The following SLC22A8 variants were observed in gnomAD, a reference collection of about 807,000 sequenced individuals.
The protein encoded by SLC22A8 is solute carrier family 22 member 8, also known as organic anion transporter 3.
Under a neutral mutation model 48.4 loss-of-function variants are expected in SLC22A8, and 40 were observed. The ratio of observed to expected loss-of-function variants is 0.83; its 90% CI spans 0.64 to 1.08. The LOEUF is 1.08. Ranked by LOEUF, SLC22A8 falls within the 50% of genes least tolerant of loss-of-function variation. The pLI is 0.00. For missense variants in SLC22A8, 606 were observed against 699.0 expected (o/e 0.87, Z 1.50); for synonymous variants, 268 against 286.3 (o/e 0.94, Z 0.65).
intron 7 of SLC22A8, 166 bp downstream of exon 7, chr11:62,995,538 G>A: frequency 3.3e-6 from 2 of 609,048 alleles, no homozygotes; most frequent in Non-Finnish European, 5.9e-6. Flanking sequence ...TGTGGGGCAG[G>A]AATGCAGCAG....
intron 8 of SLC22A8, chr11:62,994,244 A>G (rs910319696): frequency 1.3e-5 from 7 of 527,368 alleles, no homozygotes; most frequent in East Asian, 1.3e-4. Context: ...CTGTCGTTTT[A>G]CCATCTCAGC....
In SLC22A8 at chr11:63,006,756, C is replaced by T. The variant is rs151084473; in HGVS notation, c.334-5933G>A. On this transcript the variant is annotated intron_variant, in intron 2 of 10. Transcript: ENST00000336232. Reference sequence around the variant, plus strand: ...CTGAGTAGCTGGGATTATAGGCATGCGCCACCATGCCTGGCTAATTTTTTT... The same window carrying T: ...CTGAGTAGCTGGGATTATAGGCATGTGCCACCATGCCTGGCTAATTTTTTT... Among the ~76,000 whole-genome samples, 1,380 of 150,336 alleles carry T rather than the reference C, an allele frequency of 9.2e-3. 40 individuals carry two copies. The East Asian group carries it at 0.098, about 11-fold the overall frequency.
chr11:63,008,530 C>T (rs1161812531), intron 2 of SLC22A8, among the ~76,000 whole-genome samples: 1 of 152,138 alleles, frequency 6.6e-6, no homozygotes, highest in Non-Finnish European at 1.5e-5. Context: ...AATTACTTAA[C>T]CTCCGTGTGG....
At chr11:63,014,319 C>T (rs1565303552) in intron 2 of SLC22A8, among the ~76,000 whole-genome samples, 1 of 152,184 alleles carries the variant, frequency 6.6e-6, no homozygotes, top group East Asian at 1.9e-4. Flanking sequence ...GGTGCTATCT[C>T]CACCGGGCTG....
intron 2 of SLC22A8, among the ~76,000 whole-genome samples, chr11:63,006,002 C>A (rs958606263): frequency 8.5e-5 from 13 of 152,108 alleles, no homozygotes; most frequent in Non-Finnish European, 1.5e-5. Flanking sequence ...AATGAGGGAA[C>A]CAGATGTGGA....
chr11:62,999,780 G>A lies in SLC22A8; in HGVS notation c.500C>T (p.Ala167Val). ...GATGGGGAAGGTGGGGCTGAAGGCT[G>A]CACCGGAGCCGCTGGCTGCCAGCAG... ...YLLLAASGSG[A>V]AFSPTFPIYM... The change falls in exon 4 of 11, where the codon GCA becomes GTA. Residue 167 changes from alanine (A) to valine (V), a missense_variant. By Grantham distance (64) the Ala-to-Val change is moderately conservative. Coordinates refer to ENST00000336232, the MANE Select transcript of SLC22A8 (RefSeq NM_004254.4). 1 of 1,606,042 alleles carries A rather than the reference G, an allele frequency of 6.2e-7. No homozygotes were observed. Among genetic ancestry groups the A allele is most frequent in the South Asian group, 1.1e-5 (1 of 89,810 alleles).
In SLC22A8 at chr11:62,993,534, G is replaced by A; in HGVS notation, c.1419C>T (p.Ile473=). The A allele has an allele frequency of 1.2e-6, 2 of 1,614,210 alleles. No homozygotes were observed. The highest frequency in any genetic ancestry group is 2.2e-5 in the South Asian group (2 of 91,092). The stretch of plus-strand genomic sequence containing the variant: ...CGGTGATCCCGTAGATGATATTGGG[G>A]ATGAAGGGCTGTACCTCACCCGTGA... ...VKITGEVQPF[I]PNIIYGITAL... is the part of the protein sequence containing the mutation. The change falls in exon 10 of 11, where the codon ATC becomes ATT. Residue 473 remains isoleucine (I), a synonymous_variant. Coordinates refer to ENST00000336232, the MANE Select transcript of SLC22A8 (RefSeq NM_004254.4).
chr11:62,998,735 C>T (rs576039377), intron 5 of SLC22A8, among the ~76,000 whole-genome samples, 186 bp downstream of exon 5: 1 of 152,326 alleles, frequency 6.6e-6, no homozygotes, highest in South Asian at 2.1e-4. Context: ...TCCCCACGTG[C>T]CCCCATCCCT....
Position 63,000,968 on chromosome 11 carries a change from C to G in SLC22A8, c.334-145G>C, listed in dbSNP as rs2086487269. The G allele has an allele frequency of 6.3e-6, 4 of 639,012 alleles. No homozygotes were observed. In the East Asian group the frequency reaches 1.1e-4, roughly 18 times the overall value. The allele number at this position is 639,012 out of a possible 1,614,324, so 39.6% of individuals were successfully genotyped here. A position where few individuals can be genotyped will look rare whatever the true frequency, so the allele number is the denominator to read the frequency against. ...TCCCAAGGACCGTTTCCTTTTTCAG[C>G]CCGGCTCGGAGCTCCTTGGGTTTGT... On this transcript the variant is annotated intron_variant, in intron 2 of 10. Coordinates refer to ENST00000336232, the MANE Select transcript of SLC22A8 (RefSeq NM_004254.4).
At chr11:63,005,440 A>G (rs987252885) in intron 2 of SLC22A8, among the ~76,000 whole-genome samples, 5 of 152,244 alleles carry the variant, frequency 3.3e-5, no homozygotes, top group African/African-American at 1.2e-4. Flanking sequence ...ACTGAAACTC[A>G]GATCTGAGAT....
intron 2 of SLC22A8, among the ~76,000 whole-genome samples, chr11:63,010,168 C>A (rs1056756743): frequency 6.6e-6 from 1 of 152,208 alleles, no homozygotes; most frequent in Non-Finnish European, 1.5e-5. Flanking sequence ...CTTGCGTTAT[C>A]CCCGTTCACC....
Position 62,999,836 on chromosome 11 carries a change from G to A in SLC22A8, c.444C>T (p.Gly148=). The A allele has an allele frequency of 1.3e-6, 2 of 1,554,084 alleles. No homozygotes were observed. Among genetic ancestry groups the A allele is most frequent in the African/African-American group, 2.8e-5 (2 of 72,614 alleles). ...AGCTGCAGGTCAGGATGGGCCTGCG[G>A]CCAAACCTGTAGCTCGAAGGAGAGG... ...LVLGDLSDRF[G]RRPILTCSYL... Residue 148 remains glycine, a synonymous_variant, in exon 4 of 11, where the codon GGC becomes GGT. Coordinates refer to ENST00000336232, the MANE Select transcript of SLC22A8 (RefSeq NM_004254.4).
Position 63,014,588 on chromosome 11 carries a change from C to T in SLC22A8, c.333+38G>A, listed in dbSNP as rs373113394. On this transcript the variant is annotated intron_variant, in intron 2 of 10. Coordinates refer to ENST00000336232, the MANE Select transcript of SLC22A8 (RefSeq NM_004254.4). ...ACCAGCGGTGCAGGGTATGGGGGTA[C>T]GTGGGTAAGTGGAGGGAGAGGGTTT... 44 of 1,524,648 alleles carry T rather than the reference C, an allele frequency of 2.9e-5. No homozygotes were observed. In the African/African-American group the frequency reaches 3.0e-4, roughly 10 times the overall value. The allele number at this position is 1,524,648 out of a possible 1,614,324, so 94.4% of individuals were successfully genotyped here.
chr11:63,000,059 C>T (rs1483143870), intron 3 of SLC22A8, among the ~76,000 whole-genome samples: 3 of 152,206 alleles, frequency 2.0e-5, no homozygotes, highest in Admixed American at 6.5e-5. Flanking sequence ...CCTCTACATC[C>T]GCCTCAGCTT....
intron 8 of SLC22A8, 196 bp downstream of exon 8, chr11:62,994,346 G>A: frequency 3.3e-6 from 2 of 601,910 alleles, no homozygotes; most frequent in Non-Finnish European, 5.9e-6. Flanking sequence ...CCCAGTCCAA[G>A]TCAGATCTGG....
In SLC22A8 at chr11:63,014,625, C is replaced by T. The variant is rs748488822; in HGVS notation, c.333+1G>A. ...GAGGGAGAGGGTTTGCCCAGGCATA[C>T]CTCTGTCACAATGGAGTCCTTGGTG... On this transcript the variant is annotated splice_donor_variant, in intron 2 of 10. Coordinates refer to ENST00000336232, the MANE Select transcript of SLC22A8 (RefSeq NM_004254.4). LOFTEE classifies it high-confidence loss of function. The T allele has an allele frequency of 1.3e-6, 2 of 1,582,546 alleles. No homozygotes were observed. The highest frequency in any genetic ancestry group is 1.7e-6 in the Non-Finnish European group (2 of 1,157,940).
intron 2 of SLC22A8, among the ~76,000 whole-genome samples, chr11:63,010,285 G>A (rs2086602949): frequency 3.9e-5 from 6 of 152,140 alleles, no homozygotes; most frequent in African/African-American, 1.4e-4. Context: ...TCTGGTTCAC[G>A]ATCCCACACT....
rs760286057 is a variant in SLC22A8, at chr11:63,000,743, G to A, written c.414C>T (p.Leu138=). 7.4e-6 allele frequency: 12 copies of A among 1,613,458 alleles called. No individual in the cohort carries two copies. The South Asian group carries it at 8.8e-5, about 12-fold the overall frequency. The change falls in exon 3 of 11, where the codon CTC becomes CTT. Residue 138 remains leucine (L), a synonymous_variant. Coordinates refer to ENST00000336232, the MANE Select transcript of SLC22A8 (RefSeq NM_004254.4). ...ACCTGTCAGACAGGTCTCCAAGCACGAGCCCTCCAATCAGTATACCTGCCA... is the reference window on the plus strand; with the variant it reads ...ACCTGTCAGACAGGTCTCCAAGCACAAGCCCTCCAATCAGTATACCTGCCA... ...IFMAGILIGG[L]VLGDLSDRFG... is the part of the protein sequence containing the mutation.
At chr11:63,008,811 T>A (rs1413436578) in intron 2 of SLC22A8, among the ~76,000 whole-genome samples, 1 of 152,188 alleles carries the variant, frequency 6.6e-6, no homozygotes, top group Admixed American at 6.5e-5. Context: ...TGACCCACCA[T>A]CATGTCTGGG....
Sources: gnomAD v4.1 joint callset for allele counts (sites outside exome capture counted in the v4.1 genomes callset) on GRCh38, gnomAD v4.1.1 for gene constraint, MANE v1.5 for transcripts, NCBI Gene and HGNC (gene_info 2026-07-23, HGNC 2026-07-21) for gene names.